EVL: variants seen among roughly 807,000 people sequenced by gnomAD.
EVL encodes Enah/Vasp-like.
Under a neutral mutation model 59.6 loss-of-function variants are expected in EVL, and 21 were observed. That is an observed-to-expected ratio of 0.35 (90% CI 0.25 to 0.51). EVL has a LOEUF of 0.51. Among genes scored for constraint, EVL ranks in the 20% least tolerant of loss-of-function variants. The probability of loss-of-function intolerance (pLI) is 0.97; values close to 1 mark genes in which losing one functional copy is unlikely to be tolerated. For synonymous variants in EVL, 198 were observed against 203.5 expected (o/e 0.97, Z 0.23); for missense variants, 462 against 546.6 (o/e 0.85, Z 1.54).
intron 1 of EVL, among the ~76,000 whole-genome samples, chr14:99,985,750 A>T (rs2060835961): frequency 6.6e-6 from 1 of 150,690 alleles, no homozygotes; most frequent in Admixed American, 6.6e-5. Context: ...CTGGGCAACA[A>T]GAGCGAAGCT....
chr14:100,076,788 G>T (rs976230621), intron 1 of EVL, among the ~76,000 whole-genome samples: 1 of 152,292 alleles, frequency 6.6e-6, no homozygotes, highest in East Asian at 1.9e-4. Context: ...TAAGCCAAGG[G>T]TTGGGTCGGC....
intron 1 of EVL, among the ~76,000 whole-genome samples, chr14:99,991,940 G>A (rs1259344074): frequency 6.9e-6 from 1 of 144,154 alleles, no homozygotes; most frequent in Non-Finnish European, 1.5e-5. Flanking sequence ...CCTAACCCCT[G>A]CATTGTTTGA....
chr14:100,068,267 T>C (rs1477811152), intron 1 of EVL, among the ~76,000 whole-genome samples: 14 of 151,978 alleles, frequency 9.2e-5, no homozygotes, highest in Admixed American at 7.9e-4. Context: ...AGGAATGGTT[T>C]GGTGGGTTCA....
chr14:100,087,451 A>G (rs1359291129), intron 2 of EVL, among the ~76,000 whole-genome samples: 1 of 151,978 alleles, frequency 6.6e-6, no homozygotes. Context: ...CCATCTCTAT[A>G]AAAAAATATA....
chr14:100,076,374 C>G (rs956430127), intron 1 of EVL, among the ~76,000 whole-genome samples: 1 of 152,148 alleles, frequency 6.6e-6, no homozygotes, highest in Non-Finnish European at 1.5e-5. Flanking sequence ...TAGAGGGCAA[C>G]AGATAGGAAG....
Position 100,130,703 on chromosome 14 carries a change from C to T in EVL, c.839+1019C>T, listed in dbSNP as rs933405083. 1.3e-5 allele frequency among the ~76,000 whole-genome samples: 2 copies of T among 152,204 alleles called. No individual in the cohort carries two copies. Among genetic ancestry groups the T allele is most frequent in the African/African-American group, 4.8e-5 (2 of 41,448 alleles). ...CCACAGCTGCAGGCAGCTGGTGTGG[C>T]GCTTCATGGCAGGGCCACAGCCTGG... On this transcript the variant is annotated intron_variant, in intron 7 of 13. Transcript: ENST00000392920. The surrounding 1 kb of genome is among the most constrained non-coding windows in gnomAD (Gnocchi z 4.8).
chr14:100,097,755 A>G, intron 3 of EVL, 97 bp downstream of exon 3: 1 of 1,178,740 alleles, frequency 8.5e-7, no homozygotes, highest in Non-Finnish European at 1.2e-6. Context: ...TAGCACTGTC[A>G]CTGCATTGAG....
chr14:100,050,004 A>G (rs1308803808), intron 1 of EVL, among the ~76,000 whole-genome samples: 1 of 152,212 alleles, frequency 6.6e-6, no homozygotes, highest in Non-Finnish European at 1.5e-5. Flanking sequence ...TAAGTTGCAC[A>G]CATTTTCTGG....
chr14:100,014,140 T>C (rs1362376113), intron 1 of EVL, among the ~76,000 whole-genome samples: 1 of 152,208 alleles, frequency 6.6e-6, no homozygotes, highest in Non-Finnish European at 1.5e-5. Context: ...TTATTCATTC[T>C]AACTCTATTT....
chr14:100,021,136 G>A (rs936021538), intron 1 of EVL, among the ~76,000 whole-genome samples: 4 of 152,192 alleles, frequency 2.6e-5, no homozygotes, highest in African/African-American at 7.2e-5. Context: ...TTTATTGTTA[G>A]CATTTACTCT....
At chr14:100,032,031 A>G (rs1460609827) in intron 1 of EVL, among the ~76,000 whole-genome samples, 1 of 152,254 alleles carries the variant, frequency 6.6e-6, no homozygotes, top group Admixed American at 6.5e-5. Context: ...CTGCTAGATC[A>G]GACAACTGTG....
chr14:100,001,073 A>G lies in EVL; in HGVS notation c.5+29016A>G, dbSNP rs543570182. On this transcript the variant is annotated intron_variant, in intron 1 of 13. Transcript: ENST00000402714. ...GAGGAAGGGAGAAAAACAACAACAAACAAAACAACAATCCTGGAAAATTGA... is the reference window on the plus strand; with the variant it reads ...GAGGAAGGGAGAAAAACAACAACAAGCAAAACAACAATCCTGGAAAATTGA... Among the ~76,000 whole-genome samples, 15 of 152,276 alleles carry G rather than the reference A, an allele frequency of 9.9e-5. No individual in the cohort carries two copies. The East Asian group carries it at 1.9e-3, about 20-fold the overall frequency.
intron 11 of EVL, chr14:100,138,085 G>C (rs541077457): frequency 3.7e-6 from 2 of 542,734 alleles, no homozygotes; most frequent in Non-Finnish European, 6.6e-6. Flanking sequence ...GACTCACTAC[G>C]TGTGACAGTG....
At chr14:100,073,460 T>C (rs931962020) in intron 1 of EVL, among the ~76,000 whole-genome samples, 1 of 151,874 alleles carries the variant, frequency 6.6e-6, no homozygotes, top group Non-Finnish European at 1.5e-5. Flanking sequence ...CAGCTGGGGC[T>C]ACAGGCACCC....
chr14:100,012,556 G>A (rs1256203168), intron 1 of EVL, among the ~76,000 whole-genome samples: 1 of 152,194 alleles, frequency 6.6e-6, no homozygotes, highest in South Asian at 2.1e-4. Flanking sequence ...ACTGGAAAGA[G>A]GACTGCTGAC....
chr14:100,061,660 C>A (rs2061837309), upstream of EVL, among the ~76,000 whole-genome samples: 2 of 151,942 alleles, frequency 1.3e-5, no homozygotes, highest in South Asian at 4.1e-4. Flanking sequence ...ACTTTTGCAT[C>A]CCCCAAAATT....
At chr14:100,105,350 C>T (rs1002242262) in intron 3 of EVL, among the ~76,000 whole-genome samples, 3 of 152,094 alleles carry the variant, frequency 2.0e-5, no homozygotes, top group African/African-American at 7.2e-5. Flanking sequence ...ACAGGGACCC[C>T]AATTCTAGCC....
At chr14:100,070,797 T>C (rs996241222) in intron 1 of EVL, among the ~76,000 whole-genome samples, 3 of 152,214 alleles carry the variant, frequency 2.0e-5, no homozygotes, top group African/African-American at 7.2e-5. Context: ...CCCAAGGCTG[T>C]GCTAAAACCT....
intron 1 of EVL, among the ~76,000 whole-genome samples, chr14:100,060,337 A>G (rs1186038190): frequency 1.3e-5 from 2 of 151,272 alleles, no homozygotes; most frequent in African/African-American, 2.4e-5. Context: ...AGGCTGAGGC[A>G]GGAGAATGGC....
Sources: gnomAD v4.1 joint callset for allele counts (sites outside exome capture counted in the v4.1 genomes callset) on GRCh38, gnomAD v4.1.1 for gene constraint, Gnocchi (gnomAD v3.1) non-coding constraint, MANE v1.5 for transcripts, NCBI Gene and HGNC (gene_info 2026-07-23, HGNC 2026-07-21) for gene names.